Variants in KMT2A observed in about 807,000 individuals in gnomAD.
KMT2A encodes the protein histone-lysine N-methyltransferase 2A.
Under a neutral mutation model 345.3 loss-of-function variants are expected in KMT2A, and 16 were observed. The observed-to-expected ratio is 0.05, with a 90% CI of 0.03 to 0.07. The LOEUF is 0.07. Among genes scored for constraint, KMT2A ranks in the 10% least tolerant of loss-of-function variants. The pLI, the probability that KMT2A is intolerant of heterozygous loss-of-function variation, is 1.00. For missense variants in KMT2A, 3,272 were observed against 4,841.6 expected (o/e 0.68, Z 9.62); for synonymous variants, 1,599 against 1,778.6 (o/e 0.90, Z 2.54).
intron 1 of KMT2A, chr11:118,448,170 A>G (rs1362428243): frequency 6.6e-6 from 1 of 152,376 alleles, no homozygotes; most frequent in Non-Finnish European, 1.5e-5. Flanking sequence ...TAAGAGAGAA[A>G]TCTTAAACAT....
In KMT2A at chr11:118,498,315, AC is replaced by A; in HGVS notation, c.5803-54del. ...GATGAGTCTATAGAGGAGACGGTAA[AC>A]GTCTTAAAACATATGAAAGTCTGAA... On this transcript the variant is annotated intron_variant, in intron 21 of 35. Transcript: ENST00000534358. The surrounding 1 kb of genome is among the most constrained non-coding windows in gnomAD (Gnocchi z 4.4). 6.7e-7 allele frequency: 1 copy of A among 1,502,348 alleles called. No homozygotes were observed. Among genetic ancestry groups the A allele is most frequent in the Non-Finnish European group, 9.0e-7 (1 of 1,106,440 alleles). The allele number at this position is 1,502,348 out of a possible 1,614,324, so 93.1% of individuals were successfully genotyped here. A position where few individuals can be genotyped will look rare whatever the true frequency, so the allele number is the denominator to read the frequency against.
At position 118,526,732 on chromosome 11, in the gene KMT2A, A is replaced by G. The variant is rs1555055760; in HGVS notation, c.*4560A>G. On this transcript the variant is annotated 3_prime_UTR_variant, in exon 36 of 36. Transcript: ENST00000534358. ...GAATGTAAAAGTAAAAAGTGTACAT[A>G]GTTGTAAAAAAAAGGAGTTTTTAAA... is the stretch of plus-strand genomic sequence containing the variant. 1 of 230,326 alleles carries G rather than the reference A, an allele frequency of 4.3e-6. No homozygotes were observed. Among genetic ancestry groups the G allele is most frequent in the Non-Finnish European group, 8.6e-6 (1 of 116,380 alleles). 14.3% of individuals were successfully genotyped at this position (230,326 alleles called of 1,614,324 possible). A position where few individuals can be genotyped will look rare whatever the true frequency, so the allele number is the denominator to read the frequency against.
rs782784333 is a variant in KMT2A, at chr11:118,504,165, T to C, written c.8273T>C (p.Ile2758Thr). The C allele has an allele frequency of 6.8e-6, 11 of 1,614,024 alleles. No homozygotes were observed. The highest frequency in any genetic ancestry group is 5.5e-5 in the South Asian group (5 of 91,084). ...GKENGTENLK[I>T]DRPEDAGEKE... ...GAAAATGGAACAGAGAACTTAAAGATTGATAGACCTGAAGATGCTGGGGAG... is the reference window on the plus strand; with the variant it reads ...GAAAATGGAACAGAGAACTTAAAGACTGATAGACCTGAAGATGCTGGGGAG... The change falls in exon 27 of 36, where the codon ATT becomes ACT. Residue 2758 changes from isoleucine (I) to threonine (T), a missense_variant. Physicochemically the swap from Ile to Thr is moderately conservative, Grantham distance 89 (BLOSUM62 -1). Coordinates refer to ENST00000534358, the MANE Select transcript of KMT2A (RefSeq NM_001197104.2). This position sits in a 1 kb window ranked among gnomAD's most constrained non-coding sequence, Gnocchi z 6.4.
intron 1 of KMT2A, among the ~76,000 whole-genome samples, chr11:118,453,368 A>G (rs963748619): frequency 1.2e-4 from 18 of 151,676 alleles, no homozygotes; most frequent in Non-Finnish European, 2.1e-4. Context: ...ACCCTTTGGC[A>G]GCCTTTGAAC....
rs2135282734 is a variant in KMT2A at position 118,519,695 on chromosome 11, C to T, written c.11224C>T (p.His3742Tyr). Residue 3742 changes from histidine (H) to tyrosine (Y), a missense_variant, in exon 32 of 36, where the codon CAC (histidine) becomes TAC (tyrosine). Coordinates refer to ENST00000534358, the MANE Select transcript of KMT2A (RefSeq NM_001197104.2). The stretch of plus-strand genomic sequence containing the variant: ...CATTGAGCAGCTGTCTGGTGCCAAG[C>T]ACTGTCGAAATTACAAATTCCGTTT... ...FLIEQLSGAK[H>Y]CRNYKFRFHK... The T allele has an allele frequency of 6.2e-7, 1 of 1,614,160 alleles. No homozygotes were observed. Among genetic ancestry groups the T allele is most frequent in the Non-Finnish European group, 8.5e-7 (1 of 1,180,000 alleles).
In KMT2A at chr11:118,504,729, G is replaced by T; in HGVS notation, c.8837G>T (p.Ser2946Ile). 1 of 1,614,096 alleles carries T rather than the reference G, an allele frequency of 6.2e-7. No individual in the cohort carries two copies. The highest frequency in any genetic ancestry group is 8.5e-7 in the Non-Finnish European group (1 of 1,180,012). Residue 2946 changes from serine to isoleucine, a missense_variant, in exon 27 of 36, where the codon AGC (serine) becomes ATC (isoleucine). By Grantham distance (142) the Ser-to-Ile change is moderately radical. This residue lies in a region of KMT2A where 748 missense variants were observed against 922.2 expected (regional missense o/e 0.81). Coordinates refer to ENST00000534358, the MANE Select transcript of KMT2A (RefSeq NM_001197104.2). The surrounding 1 kb of genome is among the most constrained non-coding windows in gnomAD (Gnocchi z 6.4). ...VLTTRSPTVP[S>I]QNPSRLAVIS... The stretch of plus-strand genomic sequence containing the variant: ...ACCACCCGGAGTCCCACTGTCCCCA[G>T]CCAGAATCCCAGTAGACTAGCTGTT...
rs1032650951 is a variant in KMT2A at position 118,519,729 on chromosome 11, C to T, written c.11258C>T (p.Pro3753Leu). The T allele has an allele frequency of 1.2e-6, 2 of 1,614,064 alleles. No individual in the cohort carries two copies. Among genetic ancestry groups the T allele is most frequent in the Admixed American group, 3.3e-5 (2 of 60,006 alleles). The change falls in exon 32 of 36, where the codon CCA (proline) becomes CTA (leucine). Residue 3753 changes from proline to leucine, a missense_variant. This residue lies in a region of KMT2A where 72 missense variants were observed against 135.6 expected (regional missense o/e 0.53). Transcript: ENST00000534358. ...CRNYKFRFHK[P>L]EEANEPPLNP... ...AATTACAAATTCCGTTTCCACAAGC[C>T]AGAGGAGGCCAATGAACCCCCCTTG...
At chr11:118,444,262 T>C (rs1464136278) in intron 1 of KMT2A, among the ~76,000 whole-genome samples, 5 of 152,256 alleles carry the variant, frequency 3.3e-5, no homozygotes, top group East Asian at 1.9e-4. Flanking sequence ...TCCATGAGGA[T>C]TGACCACTTT....
At chr11:118,488,593 C>T in intron 10 of KMT2A, 21 bp from the exon 11 acceptor site, 1 of 1,612,200 alleles carries the variant, frequency 6.2e-7, no homozygotes, top group Non-Finnish European at 8.5e-7. Flanking sequence ...ATACTTCTAT[C>T]TTCCCATGTT....
Position 118,526,104 on chromosome 11 carries a change from G to C in KMT2A, c.*3932G>C, listed in dbSNP as rs1555055502. On this transcript the variant is annotated 3_prime_UTR_variant, in exon 36 of 36. Transcript: ENST00000534358. ...GTGTTACAGTTGCTAGTAGCGGCAG[G>C]AAGATGTCAGGCTCACTTTCCTCTG... The C allele has an allele frequency of 4.6e-6, 1 of 218,722 alleles. No individual in the cohort carries two copies. 13.5% of individuals were successfully genotyped at this position (218,722 alleles called of 1,614,324 possible).
In KMT2A at chr11:118,472,579, T is replaced by G. The variant is rs782036702; in HGVS notation, c.1420T>G (p.Ser474Ala). 6.2e-7 allele frequency: 1 copy of G among 1,611,582 alleles called. No homozygotes were observed. Among genetic ancestry groups the G allele is most frequent in the East Asian group, 2.2e-5 (1 of 44,842 alleles). Reference protein sequence around the residue: ...AASQHSSQMSSDSSRSSSPSV... With the variant: ...AASQHSSQMSADSSRSSSPSV... ...TTCTCAGCACTCCTCTCAAATGTCT[T>G]CAGACTCCTCTCGATCTAGTAGCCC... Residue 474 changes from serine to alanine, a missense_variant, in exon 3 of 36, where the codon TCA becomes GCA. This residue lies in a region of KMT2A where 180 missense variants were observed against 190.7 expected (regional missense o/e 0.94). Coordinates refer to ENST00000534358, the MANE Select transcript of KMT2A (RefSeq NM_001197104.2).
At chr11:118,509,903 G>C in intron 29 of KMT2A, 45 bp from the exon 30 acceptor site, 1 of 1,430,864 alleles carries the variant, frequency 7.0e-7, no homozygotes, top group Non-Finnish European at 9.6e-7. Context: ...TCAGTGCTCA[G>C]TGAGCATTTG....
At chr11:118,485,214 T>C (rs1950208043) in intron 10 of KMT2A, among the ~76,000 whole-genome samples, 2 of 151,990 alleles carry the variant, frequency 1.3e-5, no homozygotes, top group African/African-American at 4.8e-5. Flanking sequence ...TTTATTAGAG[T>C]TCTGATCTTT....
chr11:118,473,373 A>G lies in KMT2A; in HGVS notation c.2214A>G (p.Arg738=). 6.2e-7 allele frequency: 1 copy of G among 1,614,084 alleles called. No homozygotes were observed. The highest frequency in any genetic ancestry group is 8.5e-7 in the Non-Finnish European group (1 of 1,180,000). ...SSGVSNRKRK[R]KVFSPIRSEP... Reference sequence around the variant, plus strand: ...GAGTATCCAATAGAAAAAGGAAAAGAAAAGTGTTTAGTCCTATTCGATCTG... The same window carrying G: ...GAGTATCCAATAGAAAAAGGAAAAGGAAAGTGTTTAGTCCTATTCGATCTG... The change falls in exon 3 of 36, where the codon AGA becomes AGG. Residue 738 remains arginine (R), a synonymous_variant. Coordinates refer to ENST00000534358, the MANE Select transcript of KMT2A (RefSeq NM_001197104.2). This position sits in a 1 kb window ranked among gnomAD's most constrained non-coding sequence, Gnocchi z 5.2.
At chr11:118,456,770 CAG>C (rs1438360054) in intron 1 of KMT2A, among the ~76,000 whole-genome samples, 1 of 152,196 alleles carries the variant, frequency 6.6e-6, no homozygotes, top group Non-Finnish European at 1.5e-5. Context: ...TTCATTGAGT[CAG>C]ATGTGTTTTC....
In KMT2A at chr11:118,520,710, G is replaced by GA. The variant is rs1287188075; in HGVS notation, c.11430-91dup. 2.2e-6 allele frequency: 2 copies of GA among 893,038 alleles called. No homozygotes were observed. Among genetic ancestry groups the GA allele is most frequent in the Non-Finnish European group, 3.7e-6 (2 of 541,910 alleles). 55.3% of individuals were successfully genotyped at this position (893,038 alleles called of 1,614,324 possible). A position where few individuals can be genotyped will look rare whatever the true frequency, so the allele number is the denominator to read the frequency against. ...CTCGTTCAGTTTGGCATTAAACAAA[G>GA]AGTGTACTAATTGTCTCTAGGAACC... On this transcript the variant is annotated intron_variant, in intron 33 of 35. Coordinates refer to ENST00000534358, the MANE Select transcript of KMT2A (RefSeq NM_001197104.2). This position sits in a 1 kb window ranked among gnomAD's most constrained non-coding sequence, Gnocchi z 4.3.
chr11:118,481,126 G>T (rs1231514324), intron 6 of KMT2A, among the ~76,000 whole-genome samples: 1 of 151,868 alleles, frequency 6.6e-6, no homozygotes, highest in Non-Finnish European at 1.5e-5. Flanking sequence ...ATTTTTAAGG[G>T]TACAGTAAAT....
chr11:118,461,404 A>T (rs989134582), intron 1 of KMT2A, among the ~76,000 whole-genome samples: 1 of 152,212 alleles, frequency 6.6e-6, no homozygotes, highest in Non-Finnish European at 1.5e-5. Context: ...ACATAGCTTA[A>T]TTTGCTGTCT....
chr11:118,526,443 A>G lies in KMT2A; in HGVS notation c.*4271A>G. On this transcript the variant is annotated 3_prime_UTR_variant, in exon 36 of 36. Transcript: ENST00000534358. Reference sequence around the variant, plus strand: ...TTTTAACAGTCTCTTTAGTAAATACAGGTAGTTGAATAATTGTTTCAAGAG... The same window carrying G: ...TTTTAACAGTCTCTTTAGTAAATACGGGTAGTTGAATAATTGTTTCAAGAG... The G allele has an allele frequency of 4.4e-6, 1 of 228,840 alleles. No individual in the cohort carries two copies. The highest frequency in any genetic ancestry group is 8.7e-6 in the Non-Finnish European group (1 of 115,486). 14.2% of individuals were successfully genotyped at this position (228,840 alleles called of 1,614,324 possible).
Sources: gnomAD v4.1 joint callset for allele counts (sites outside exome capture counted in the v4.1 genomes callset) on GRCh38, gnomAD v4.1.1 for gene constraint, gnomAD v4.1.1 regional missense constraint, Gnocchi (gnomAD v3.1) non-coding constraint, MANE v1.5 for transcripts, NCBI Gene and HGNC (gene_info 2026-07-23, HGNC 2026-07-21) for gene names.